Variants in RASEF observed in about 807,000 individuals in gnomAD.
RASEF encodes RAS and EF-hand domain containing.
A neutral mutation model predicts 90.1 loss-of-function variants in RASEF; 68 were observed. The ratio of observed to expected loss-of-function variants is 0.75; its 90% confidence interval spans 0.62 to 0.92. The LOEUF is 0.92. Among genes scored for constraint, RASEF ranks in the 40% least tolerant of loss-of-function variants. The pLI, the probability that RASEF is intolerant of heterozygous loss-of-function variation, is 0.00. For synonymous variants in RASEF, 331 were observed against 345.2 expected (o/e 0.96, Z 0.46); for missense variants, 949 against 937.2 (o/e 1.01, Z -0.16).
chr9:83,015,233 GAC>G (rs1356714736), intron 4 of RASEF, among the ~76,000 whole-genome samples: 3 of 152,220 alleles, frequency 2.0e-5, no homozygotes, highest in African/African-American at 7.2e-5. Flanking sequence ...CAGTCTACCA[GAC>G]ACAAGGGACT....
At chr9:83,015,217 A>C (rs1442889090) in intron 4 of RASEF, among the ~76,000 whole-genome samples, 1 of 152,230 alleles carries the variant, frequency 6.6e-6, no homozygotes, top group Admixed American at 6.5e-5. Context: ...ACAGTCATGA[A>C]GCATGCAGTC....
At chr9:83,038,992 T>C (rs1829791072) in intron 1 of RASEF, among the ~76,000 whole-genome samples, 1 of 152,238 alleles carries the variant, frequency 6.6e-6, no homozygotes, top group African/African-American at 2.4e-5. Flanking sequence ...AAGCATGTTT[T>C]CTTGACTGAT....
chr9:83,025,098 G>GTTT (rs145873991), intron 2 of RASEF, among the ~76,000 whole-genome samples: 3,299 of 152,002 alleles, frequency 0.022, 113 homozygotes, highest in African/African-American at 0.074. Flanking sequence ...CATATAAATT[G>GTTT]TTTTTTTTGC....
At chr9:83,196,998 C>T in the RASEF span, among the ~76,000 whole-genome samples, 2 of 152,226 alleles carry the variant, frequency 1.3e-5, no homozygotes, top group African/African-American at 2.4e-5. Context: ...TTCTTCTGTA[C>T]TGGTGGCCAC....
chr9:83,082,862 A>G, the RASEF span, among the ~76,000 whole-genome samples: 2 of 152,202 alleles, frequency 1.3e-5, no homozygotes, highest in Non-Finnish European at 2.9e-5. Flanking sequence ...TATTATTAGA[A>G]AGAGGGATGA....
chr9:83,173,579 T>C, the RASEF span, among the ~76,000 whole-genome samples: 1 of 151,814 alleles, frequency 6.6e-6, no homozygotes, highest in Non-Finnish European at 1.5e-5. Context: ...GGATATCTGT[T>C]TGATTTCCTT....
At chr9:83,164,644 AC>A in the RASEF span, among the ~76,000 whole-genome samples, 1 of 151,618 alleles carries the variant, frequency 6.6e-6, no homozygotes, top group East Asian at 1.9e-4. Flanking sequence ...ACAGGAACAA[AC>A]AAAAATGGTA....
At chr9:83,203,336 C>T in the RASEF span, among the ~76,000 whole-genome samples, 20 of 151,638 alleles carry the variant, frequency 1.3e-4, no homozygotes, top group Admixed American at 1.3e-4. Flanking sequence ...AGTGCAGTGG[C>T]GCCATCTTGG....
At chr9:83,129,004 T>C in the RASEF span, among the ~76,000 whole-genome samples, 1 of 152,224 alleles carries the variant, frequency 6.6e-6, no homozygotes, top group Non-Finnish European at 1.5e-5. Context: ...TTCAAATCAA[T>C]TAATTTTATC....
At chr9:83,025,747 G>T (rs761678968) in intron 2 of RASEF, 28 bp downstream of exon 2, 3 of 1,607,674 alleles carry the variant, frequency 1.9e-6, no homozygotes, top group Non-Finnish European at 2.5e-6. Flanking sequence ...GCACCCACAG[G>T]CCACTTATAA....
At chr9:83,087,620 CT>C in the RASEF span, among the ~76,000 whole-genome samples, 14 of 150,848 alleles carry the variant, frequency 9.3e-5, no homozygotes, top group African/African-American at 3.2e-4. Flanking sequence ...GGGTAATGTC[CT>C]TTCTTTCATT....
At chr9:83,118,736 G>A in the RASEF span, among the ~76,000 whole-genome samples, 4 of 152,092 alleles carry the variant, frequency 2.6e-5, no homozygotes, top group South Asian at 4.1e-4. Flanking sequence ...AATGACATTA[G>A]GATCATTATA....
the RASEF span, among the ~76,000 whole-genome samples, chr9:83,080,815 C>G: frequency 3.6e-3 from 555 of 152,194 alleles, 3 homozygotes; most frequent in Non-Finnish European, 5.5e-3. Flanking sequence ...TCCCTGCAAT[C>G]ATTATGAAAA....
the RASEF span, among the ~76,000 whole-genome samples, chr9:83,185,388 C>T: frequency 5.4e-5 from 8 of 147,734 alleles, no homozygotes; most frequent in African/African-American, 7.5e-5. Context: ...GGAGACCCTA[C>T]GGTGCTCAGG....
At chr9:82,996,844 G>A (rs929209577) in intron 14 of RASEF, among the ~76,000 whole-genome samples, 168 bp downstream of exon 14, 4 of 152,146 alleles carry the variant, frequency 2.6e-5, no homozygotes, top group African/African-American at 9.7e-5. Context: ...CAAATCCTGA[G>A]GAAGAGATGA....
chr9:83,194,849 T>A, the RASEF span, among the ~76,000 whole-genome samples: 2 of 152,232 alleles, frequency 1.3e-5, no homozygotes, highest in Non-Finnish European at 2.9e-5. Flanking sequence ...TGTGCCCCTT[T>A]GATATGCCCC....
At chr9:83,107,911 A>C in the RASEF span, among the ~76,000 whole-genome samples, 2 of 152,228 alleles carry the variant, frequency 1.3e-5, no homozygotes, top group African/African-American at 4.8e-5. Flanking sequence ...TGTTTTAAAA[A>C]TCTATCTGTT....
chr9:83,122,215 G>T, the RASEF span, among the ~76,000 whole-genome samples: 1 of 152,168 alleles, frequency 6.6e-6, no homozygotes, highest in Admixed American at 6.5e-5. Context: ...AAGGGCCCCA[G>T]CATGGAACAG....
Position 82,990,483 on chromosome 9 carries a change from A to G in RASEF, c.2041-16T>C. ...CCCCATACGTCTGTAAAAAAGAAAT[A>G]CACACAATTAAATGAAGCCCTTCAT... On this transcript the variant is annotated splice_polypyrimidine_tract_variant and intron_variant, in intron 15 of 16. Coordinates refer to ENST00000376447, the MANE Select transcript of RASEF (RefSeq NM_152573.4). 2 of 1,583,796 alleles carry G rather than the reference A, an allele frequency of 1.3e-6. No homozygotes were observed. Among genetic ancestry groups the G allele is most frequent in the Non-Finnish European group, 1.7e-6 (2 of 1,156,534 alleles).
Sources: gnomAD v4.1 joint callset for allele counts (sites outside exome capture counted in the v4.1 genomes callset) on GRCh38, gnomAD v4.1.1 for gene constraint, MANE v1.5 for transcripts, NCBI Gene and HGNC (gene_info 2026-07-23, HGNC 2026-07-21) for gene names.